The following CCDC60 variants were observed in gnomAD, a reference collection of about 807,000 sequenced individuals.
The protein encoded by CCDC60 is coiled-coil domain containing 60.
A neutral mutation model predicts 63.5 loss-of-function variants in CCDC60; 54 were observed. The ratio of observed to expected loss-of-function variants is 0.85; its 90% confidence interval spans 0.68 to 1.07. CCDC60 has a LOEUF of 1.07. CCDC60 is among the 50% of genes least tolerant of loss of function. The probability of loss-of-function intolerance (pLI) is 0.00; values close to 1 mark genes in which losing one functional copy is unlikely to be tolerated. For missense variants in CCDC60, 651 were observed against 684.3 expected (o/e 0.95, Z 0.54); for synonymous variants, 206 against 238.8 (o/e 0.86, Z 1.27).
intron 1 of CCDC60, among the ~76,000 whole-genome samples, chr12:119,409,321 G>T (rs897261447): frequency 2.0e-5 from 3 of 152,084 alleles, no homozygotes; most frequent in Non-Finnish European, 4.4e-5. Flanking sequence ...GGGGGAAGAA[G>T]GACTGTCCTG....
chr12:119,481,646 T>A (rs1364727461), intron 4 of CCDC60, among the ~76,000 whole-genome samples: 2 of 151,970 alleles, frequency 1.3e-5, no homozygotes, highest in African/African-American at 4.8e-5. Context: ...GAACAGGTGG[T>A]GTTTGGTTAC....
chr12:119,485,806 A>T (rs868105465), intron 4 of CCDC60, among the ~76,000 whole-genome samples: 11 of 152,256 alleles, frequency 7.2e-5, no homozygotes, highest in African/African-American at 2.2e-4. Context: ...AGCCAATTAC[A>T]AATTATTTAG....
At chr12:119,411,694 C>A (rs765900763) in intron 1 of CCDC60, among the ~76,000 whole-genome samples, 3 of 152,004 alleles carry the variant, frequency 2.0e-5, no homozygotes, top group Non-Finnish European at 4.4e-5. Flanking sequence ...GTTTCTATGA[C>A]CTTCTCGGGA....
At chr12:119,395,854 A>G (rs1253299611) in intron 1 of CCDC60, among the ~76,000 whole-genome samples, 1 of 152,056 alleles carries the variant, frequency 6.6e-6, no homozygotes, top group Non-Finnish European at 1.5e-5. Flanking sequence ...GGCTCCTGCA[A>G]TCCTTGGTGT....
At chr12:119,417,468 T>G (rs1481976337) in intron 1 of CCDC60, among the ~76,000 whole-genome samples, 21 of 152,178 alleles carry the variant, frequency 1.4e-4, no homozygotes, top group Admixed American at 1.4e-3. Flanking sequence ...ACTTTATCTC[T>G]TTTATTGGCT....
At chr12:119,523,032 G>T (rs79176216) in intron 10 of CCDC60, 31 bp downstream of exon 10, 3 of 1,593,546 alleles carry the variant, frequency 1.9e-6, no homozygotes, top group Non-Finnish European at 2.6e-6. Context: ...AAGGAACCAC[G>T]CAAGAGGGAA....
At chr12:119,421,156 GT>G (rs1956806354) in intron 1 of CCDC60, among the ~76,000 whole-genome samples, 1 of 152,170 alleles carries the variant, frequency 6.6e-6, no homozygotes, top group African/African-American at 2.4e-5. Context: ...AGTAGATCAT[GT>G]TTTAAGGAAT....
chr12:119,435,460 C>A (rs1950306948), intron 2 of CCDC60, among the ~76,000 whole-genome samples: 2 of 152,196 alleles, frequency 1.3e-5, no homozygotes. Flanking sequence ...TCCACTTTGA[C>A]TTATCGATGA....
At chr12:119,495,479 G>A (rs1951698267) in intron 5 of CCDC60, among the ~76,000 whole-genome samples, 1 of 152,160 alleles carries the variant, frequency 6.6e-6, no homozygotes, top group Admixed American at 6.5e-5. Flanking sequence ...TATATAAGGA[G>A]CATCTCTCCA....
At chr12:119,486,382 AT>A (rs1163205118) in intron 4 of CCDC60, among the ~76,000 whole-genome samples, 22 of 152,282 alleles carry the variant, frequency 1.4e-4, no homozygotes. Flanking sequence ...ACAAAAAAAA[AT>A]AAAAATTAGC....
intron 2 of CCDC60, among the ~76,000 whole-genome samples, chr12:119,445,433 C>CAAAAAAGAAAAA (rs1950525333): frequency 3.7e-5 from 1 of 27,198 alleles, no homozygotes; most frequent in African/African-American, 1.6e-4. Context: ...GACTCCATCT[C>CAAAAAAGAAAAA]AAAAAAAAAA....
chr12:119,366,654 A>G (rs558254707), intron 1 of CCDC60, among the ~76,000 whole-genome samples: 99 of 152,312 alleles, frequency 6.5e-4, no homozygotes, highest in Non-Finnish European at 1.1e-3. Context: ...CTTAGATGGC[A>G]TGTGCCTGTT....
chr12:119,469,205 T>G (rs1485581018), intron 2 of CCDC60, among the ~76,000 whole-genome samples: 1 of 152,166 alleles, frequency 6.6e-6, no homozygotes, highest in Middle Eastern at 3.2e-3. Flanking sequence ...TCTTCCCAGC[T>G]GCAGACCCAA....
At chr12:119,339,911 A>C (rs1237050452) in intron 1 of CCDC60, among the ~76,000 whole-genome samples, 2 of 152,094 alleles carry the variant, frequency 1.3e-5, no homozygotes, top group African/African-American at 4.8e-5. Context: ...CAACCAATAA[A>C]AGAGTAGATT....
intron 2 of CCDC60, among the ~76,000 whole-genome samples, chr12:119,469,765 G>C (rs1234209620): frequency 6.6e-6 from 1 of 152,228 alleles, no homozygotes; most frequent in Non-Finnish European, 1.5e-5. Context: ...ATGATTGTAA[G>C]ATGCAGTTTC....
rs553504559 is a variant in CCDC60 at position 119,346,004 on chromosome 12, T to A, written c.90+10738T>A. ...CTGATTTTTTTTTTTTTTTTTTTTT[T>A]AGTAGAGATGGAGTTTTGCCATATT... On this transcript the variant is annotated intron_variant, in intron 1 of 13. Transcript: ENST00000327554. Among the ~76,000 whole-genome samples, 679 of 149,046 alleles carry A rather than the reference T, an allele frequency of 4.6e-3. 8 individuals are homozygous for A. Among genetic ancestry groups the A allele is most frequent in the African/African-American group, 0.016 (628 of 40,474 alleles).
intron 2 of CCDC60, chr12:119,433,488 A>G (rs1462507727): frequency 5.7e-6 from 4 of 702,270 alleles, no homozygotes; most frequent in Non-Finnish European, 7.8e-6. Flanking sequence ...ATCTGGCCAC[A>G]CTTCTGGATC....
intron 4 of CCDC60, among the ~76,000 whole-genome samples, chr12:119,481,935 C>G (rs998817996): frequency 8.2e-5 from 11 of 134,626 alleles, no homozygotes; most frequent in Admixed American, 6.7e-4. Flanking sequence ...CATAAATTCA[C>G]TCCTTTATAT....
intron 1 of CCDC60, among the ~76,000 whole-genome samples, chr12:119,396,448 T>C (rs1277735632): frequency 6.6e-6 from 1 of 151,940 alleles, no homozygotes. Context: ...CAGAAAGCCA[T>C]CCCAAAAGAG....
Sources: allele counts gnomAD v4.1 joint callset (sites outside exome capture counted in the v4.1 genomes callset), GRCh38; gene constraint gnomAD v4.1.1; transcripts MANE v1.5; gene names NCBI Gene and HGNC (gene_info 2026-07-23, HGNC 2026-07-21).